ARHGAP26: variants seen among roughly 807,000 people sequenced by gnomAD.
ARHGAP26 encodes Rho GTPase activating protein 26.
In ARHGAP26, 38 loss-of-function variants were observed where a neutral mutation model predicts 104.8. The ratio of observed to expected loss-of-function variants is 0.36; its 90% confidence interval spans 0.28 to 0.48. ARHGAP26 has a LOEUF of 0.48. ARHGAP26 is among the 20% of genes least tolerant of loss of function. The pLI, the probability that ARHGAP26 is intolerant of heterozygous loss-of-function variation, is 0.99. For synonymous variants in ARHGAP26, 341 were observed against 340.0 expected (o/e 1.00, Z -0.03); for missense variants, 704 against 947.9 (o/e 0.74, Z 3.38).
chr5:142,861,786 C>T (rs542687739), intron 1 of ARHGAP26, among the ~76,000 whole-genome samples: 1 of 152,204 alleles, frequency 6.6e-6, no homozygotes, highest in African/African-American at 2.4e-5. Flanking sequence ...CCTTTAGTGC[C>T]TTTTCACACA....
intron 10 of ARHGAP26, among the ~76,000 whole-genome samples, chr5:142,927,321 A>G (rs1303144114): frequency 7.6e-6 from 1 of 132,448 alleles, no homozygotes; most frequent in Non-Finnish European, 1.6e-5. Flanking sequence ...CACTGCCCAT[A>G]TCTCTTTTCA....
At chr5:143,015,951 C>G (rs905953865) in intron 12 of ARHGAP26, among the ~76,000 whole-genome samples, 2 of 152,182 alleles carry the variant, frequency 1.3e-5, no homozygotes, top group Non-Finnish European at 2.9e-5. Flanking sequence ...CCTCTAACTC[C>G]CCAATGGCTT....
At chr5:142,851,112 T>C (rs76009912) in intron 1 of ARHGAP26, among the ~76,000 whole-genome samples, 2 of 150,566 alleles carry the variant, frequency 1.3e-5, no homozygotes, top group African/African-American at 2.5e-5. Flanking sequence ...TTTTTTTTTT[T>C]CCTGAGACAG....
At chr5:143,184,382 TC>T (rs912844906) in intron 20 of ARHGAP26, among the ~76,000 whole-genome samples, 1 of 152,218 alleles carries the variant, frequency 6.6e-6, no homozygotes, top group Non-Finnish European at 1.5e-5. Flanking sequence ...CCCTGGTGAT[TC>T]CCTGAGGGTT....
At chr5:142,827,437 A>G (rs1236819643) in intron 1 of ARHGAP26, among the ~76,000 whole-genome samples, 1 of 152,236 alleles carries the variant, frequency 6.6e-6, no homozygotes, top group African/African-American at 2.4e-5. Context: ...AGCCCTGCAT[A>G]AATGATGCCC....
Position 143,227,948 on chromosome 5 carries a change from T to A in ARHGAP26, c.*5502T>A. ...TACAGAGTGAAAACGTCTCTCAAGGTGGAATGCTTTAGAGAGCAAAGGCTT... is the reference window on the plus strand; with the variant it reads ...TACAGAGTGAAAACGTCTCTCAAGGAGGAATGCTTTAGAGAGCAAAGGCTT... On this transcript the variant is annotated 3_prime_UTR_variant, in exon 23 of 23. Transcript: ENST00000645722. The A allele has an allele frequency of 4.5e-6, 1 of 221,422 alleles. No individual in the cohort carries two copies. The highest frequency in any genetic ancestry group is 1.8e-4 in the South Asian group (1 of 5,434). The allele number at this position is 221,422 out of a possible 1,614,324, so 13.7% of individuals were successfully genotyped here.
intron 12 of ARHGAP26, among the ~76,000 whole-genome samples, chr5:143,034,929 C>A (rs1782397086): frequency 6.6e-6 from 1 of 152,112 alleles, no homozygotes; most frequent in African/African-American, 2.4e-5. Flanking sequence ...CCATAATTTG[C>A]AGAGCAAATA....
intron 13 of ARHGAP26, among the ~76,000 whole-genome samples, chr5:143,038,068 G>A (rs937897069): frequency 2.0e-5 from 3 of 152,190 alleles, no homozygotes; most frequent in Non-Finnish European, 4.4e-5. Flanking sequence ...GAGTTTGCTG[G>A]TCTGTTGTAC....
chr5:143,130,451 A>G (rs899262576), intron 18 of ARHGAP26, among the ~76,000 whole-genome samples: 1 of 152,158 alleles, frequency 6.6e-6, no homozygotes, highest in African/African-American at 2.4e-5. Flanking sequence ...GTTAATTTGG[A>G]AAGTCTCTGT....
chr5:143,147,103 GT>G lies in ARHGAP26; in HGVS notation c.1838-125del, dbSNP rs3216968. On this transcript the variant is annotated intron_variant, in intron 19 of 22. Coordinates refer to ENST00000645722, the MANE Select transcript of ARHGAP26 (RefSeq NM_001135608.3). ...TTTAATTCTTAACCTTTTCTATGTT[GT>G]TTCTTAAGCTTCCCTGGGATCAGAG... 3.1e-3 allele frequency: 3,581 copies of G among 1,162,510 alleles called. 89 individuals are homozygous for G. In the East Asian group the frequency reaches 0.053, roughly 17 times the overall value. 72.0% of individuals were successfully genotyped at this position (1,162,510 alleles called of 1,614,324 possible). A position where few individuals can be genotyped will look rare whatever the true frequency, so the allele number is the denominator to read the frequency against.
intron 1 of ARHGAP26, among the ~76,000 whole-genome samples, chr5:142,789,285 C>T (rs1180543635): frequency 6.6e-6 from 1 of 152,210 alleles, no homozygotes; most frequent in South Asian, 2.1e-4. Flanking sequence ...AACAAATTGT[C>T]TCTCTGCTGT....
intron 1 of ARHGAP26, among the ~76,000 whole-genome samples, chr5:142,798,861 A>G (rs1419522679): frequency 6.6e-6 from 1 of 152,196 alleles, no homozygotes; most frequent in Non-Finnish European, 1.5e-5. Context: ...TGTGGGATAT[A>G]TGGCTGACCT....
At chr5:142,970,173 A>T (rs1267989061) in intron 11 of ARHGAP26, among the ~76,000 whole-genome samples, 1 of 152,194 alleles carries the variant, frequency 6.6e-6, no homozygotes, top group Non-Finnish European at 1.5e-5. Flanking sequence ...TGCTGCACAC[A>T]TATTCAGCAC....
intron 11 of ARHGAP26, among the ~76,000 whole-genome samples, chr5:142,948,992 C>T (rs1767603148): frequency 6.6e-6 from 1 of 151,684 alleles, no homozygotes; most frequent in African/African-American, 2.4e-5. Context: ...GTAATCCTAG[C>T]TACTTGGGAG....
intron 16 of ARHGAP26, 31 bp from the exon 17 acceptor site, chr5:143,057,611 A>T (rs764925954): frequency 6.3e-7 from 1 of 1,584,538 alleles, no homozygotes. Context: ...TGTGACACTG[A>T]TAAGATATTA....
At chr5:143,016,557 GC>G in intron 12 of ARHGAP26, among the ~76,000 whole-genome samples, 1 of 152,192 alleles carries the variant, frequency 6.6e-6, no homozygotes. Flanking sequence ...ACAAAAATTA[GC>G]CAGGCATGGT....
At chr5:142,940,893 G>A (rs1598326024) in intron 11 of ARHGAP26, among the ~76,000 whole-genome samples, 4 of 151,822 alleles carry the variant, frequency 2.6e-5, no homozygotes, top group South Asian at 4.2e-4. Context: ...TGGCTAACAC[G>A]GTGAAACCTG....
chr5:143,038,293 G>A (rs1019409756), intron 13 of ARHGAP26, among the ~76,000 whole-genome samples: 1 of 152,140 alleles, frequency 6.6e-6, no homozygotes, highest in South Asian at 2.1e-4. Context: ...AGAGGGAAGA[G>A]AGAGAATTTA....
chr5:143,115,114 C>A (rs7735684), intron 17 of ARHGAP26, among the ~76,000 whole-genome samples: 85 of 152,150 alleles, frequency 5.6e-4, no homozygotes, highest in African/African-American at 2.0e-3. Context: ...AGGTGGATCA[C>A]CTGAGGTCAG....
Sources: allele counts gnomAD v4.1 joint callset (sites outside exome capture counted in the v4.1 genomes callset), GRCh38; gene constraint gnomAD v4.1.1; transcripts MANE v1.5; gene names NCBI Gene and HGNC (gene_info 2026-07-23, HGNC 2026-07-21).